Variants in ATP6V1E1 observed in about 807,000 individuals in gnomAD.
The protein encoded by ATP6V1E1 is ATPase H+ transporting V1 subunit E1, also known as V-type proton ATPase subunit E 1.
Under a neutral mutation model 35.2 loss-of-function variants are expected in ATP6V1E1, and 21 were observed. The observed-to-expected ratio is 0.60, with a 90% confidence interval of 0.42 to 0.86. The LOEUF (loss-of-function observed/expected upper bound fraction) is 0.86. Ranked by LOEUF, ATP6V1E1 falls within the 40% of genes least tolerant of loss-of-function variation. ATP6V1E1 has a pLI of 0.00. For missense variants in ATP6V1E1, 183 were observed against 272.6 expected (o/e 0.67, Z 2.32); for synonymous variants, 83 against 87.8 (o/e 0.95, Z 0.30).
chr22:17,616,085 C>T (rs985633933), intron 2 of ATP6V1E1, among the ~76,000 whole-genome samples: 2 of 151,876 alleles, frequency 1.3e-5, no homozygotes, highest in Non-Finnish European at 2.9e-5. Flanking sequence ...TGGTGGCTCA[C>T]GCCTGTAATC....
intron 4 of ATP6V1E1, among the ~76,000 whole-genome samples, chr22:17,609,305 C>T (rs1480501878): frequency 3.3e-5 from 5 of 150,674 alleles, no homozygotes; most frequent in Non-Finnish European, 5.9e-5. Flanking sequence ...GGACTATAGG[C>T]GCCCGCCACC....
At chr22:17,610,939 C>T (rs2057812525) in intron 4 of ATP6V1E1, among the ~76,000 whole-genome samples, 1 of 152,104 alleles carries the variant, frequency 6.6e-6, no homozygotes, top group Non-Finnish European at 1.5e-5. Flanking sequence ...TCATTCGATT[C>T]TCATAAGCAC....
chr22:17,592,689 C>T lies in ATP6V1E1; in HGVS notation c.666G>A (p.Arg222=). ...RGALFGANAN[R]KFLD Reference sequence around the variant, plus strand: ...TCCTGAAGGCTTAGTCCAAAAACTTCCTGTTGGCATTTGCACCAAACAAGG... The same window carrying T: ...TCCTGAAGGCTTAGTCCAAAAACTTTCTGTTGGCATTTGCACCAAACAAGG... Residue 222 remains arginine, a synonymous_variant, in exon 9 of 9, where the codon AGG becomes AGA. Transcript: ENST00000253413. The T allele has an allele frequency of 6.2e-7, 1 of 1,614,168 alleles. No individual in the cohort carries two copies.
chr22:17,592,476 C>T lies in ATP6V1E1; in HGVS notation c.*198G>A. The T allele has an allele frequency of 1.7e-6, 1 of 605,926 alleles. No homozygotes were observed. The highest frequency in any genetic ancestry group is 1.9e-5 in the African/African-American group (1 of 53,936). 37.5% of individuals were successfully genotyped at this position (605,926 alleles called of 1,614,324 possible). A position where few individuals can be genotyped will look rare whatever the true frequency, so the allele number is the denominator to read the frequency against. On this transcript the variant is annotated 3_prime_UTR_variant, in exon 9 of 9. Transcript: ENST00000253413. ...ACTTTCAGAAGAACTGGAGGTGGGT[C>T]CTGATCATATTACATGAAGCTTTCC...
At chr22:17,625,512 C>T (rs529020620) in intron 1 of ATP6V1E1, among the ~76,000 whole-genome samples, 1 of 152,260 alleles carries the variant, frequency 6.6e-6, no homozygotes, top group East Asian at 1.9e-4. Context: ...AACTCCCAAC[C>T]TCAGGTGATC....
At chr22:17,627,016 G>GTC in intron 1 of ATP6V1E1, among the ~76,000 whole-genome samples, 1 of 151,616 alleles carries the variant, frequency 6.6e-6, no homozygotes. Context: ...TTGAGATGGA[G>GTC]TCTCACTCTG....
Position 17,594,550 on chromosome 22 carries a change from C to T in ATP6V1E1, c.597G>A (p.Arg199=). ...TCACCTGCTGGGCTATGAGATCCAG[C>T]CGGCTTTCCAGGGTGTTGGAAACCT... ...KIKVSNTLES[R]LDLIAQQMMP... The change falls in exon 8 of 9, where the codon CGG becomes CGA. Residue 199 remains arginine (R), a synonymous_variant. Transcript: ENST00000253413. The T allele has an allele frequency of 1.3e-6, 2 of 1,593,146 alleles. No homozygotes were observed. Among genetic ancestry groups the T allele is most frequent in the South Asian group, 1.1e-5 (1 of 87,056 alleles).
intron 1 of ATP6V1E1, among the ~76,000 whole-genome samples, chr22:17,619,993 T>G (rs2057867414): frequency 6.6e-6 from 1 of 152,114 alleles, no homozygotes; most frequent in Admixed American, 6.6e-5. Context: ...TCTTTCAACT[T>G]TACTACCTTT....
chr22:17,607,170 T>A (rs534845483), intron 4 of ATP6V1E1, among the ~76,000 whole-genome samples: 113 of 152,080 alleles, frequency 7.4e-4, no homozygotes, highest in African/African-American at 2.6e-3. Context: ...TTTTTTTTTT[T>A]ATTTTTGACA....
Position 17,628,722 on chromosome 22 carries a change from G to T in ATP6V1E1, c.-87C>A, listed in dbSNP as rs909047493. The stretch of plus-strand genomic sequence containing the variant: ...AGAGAAATCGGCAAAGGGAACCCCT[G>T]CGCAGATCTCGGGTTCCTTTACTTT... On this transcript the variant is annotated 5_prime_UTR_variant, in exon 1 of 9. Coordinates refer to ENST00000253413, the MANE Select transcript of ATP6V1E1 (RefSeq NM_001696.4). 10 of 1,570,394 alleles carry T rather than the reference G, an allele frequency of 6.4e-6. No homozygotes were observed. The African/African-American group carries it at 1.4e-4, about 21-fold the overall frequency.
intron 2 of ATP6V1E1, 147 bp downstream of exon 2, chr22:17,619,314 A>AGGAAGGAGG: frequency 1.3e-6 from 1 of 746,090 alleles, no homozygotes; most frequent in South Asian, 1.7e-5. Context: ...AAATGAAGGA[A>AGGAAGGAGG]GGAAGGAGGG....
At chr22:17,611,940 C>G (rs1000000943) in intron 4 of ATP6V1E1, among the ~76,000 whole-genome samples, 2 of 152,164 alleles carry the variant, frequency 1.3e-5, no homozygotes, top group Non-Finnish European at 2.9e-5. Context: ...ATAGGACTTA[C>G]TCCTAGTAAT....
At chr22:17,619,631 A>G (rs2057865033) in intron 1 of ATP6V1E1, 105 bp from the exon 2 acceptor site, 1 of 952,244 alleles carries the variant, frequency 1.1e-6, no homozygotes, top group South Asian at 1.7e-5. Flanking sequence ...CACGCCCGTA[A>G]TCCTACCACT....
At chr22:17,617,047 CAA>C (rs535211268) in intron 2 of ATP6V1E1, among the ~76,000 whole-genome samples, 9 of 33,496 alleles carry the variant, frequency 2.7e-4, no homozygotes, top group Admixed American at 6.1e-4. Context: ...GACTCCGTCT[CAA>C]AAAAAAAAAA....
At chr22:17,625,299 CTT>C (rs111584733) in intron 1 of ATP6V1E1, among the ~76,000 whole-genome samples, 34 of 152,232 alleles carry the variant, frequency 2.2e-4, no homozygotes, top group African/African-American at 7.9e-4. Context: ...GAGTTTCACT[CTT>C]GTTGCCCAGG....
chr22:17,593,781 C>CAGCAATAGACTTCTAG (rs1156241634), intron 8 of ATP6V1E1, among the ~76,000 whole-genome samples: 9 of 152,202 alleles, frequency 5.9e-5, no homozygotes, highest in Non-Finnish European at 1.0e-4. Context: ...CAATAGACTC[C>CAGCAATAGACTTCTAG]CACTAGAAGT....
chr22:17,601,257 T>A, intron 4 of ATP6V1E1, 76 bp from the exon 5 acceptor site: 1 of 1,176,824 alleles, frequency 8.5e-7, no homozygotes, highest in Non-Finnish European at 1.2e-6. Context: ...AGGCTGATCC[T>A]GGCTCATGCC....
At chr22:17,618,405 G>A (rs1375827537) in intron 2 of ATP6V1E1, among the ~76,000 whole-genome samples, 1 of 152,078 alleles carries the variant, frequency 6.6e-6, no homozygotes, top group Non-Finnish European at 1.5e-5. Flanking sequence ...AATAAAGGCC[G>A]GGTGTGGTGG....
chr22:17,621,161 A>G (rs1461839547), intron 1 of ATP6V1E1, among the ~76,000 whole-genome samples: 1 of 151,974 alleles, frequency 6.6e-6, no homozygotes, highest in Admixed American at 6.6e-5. Context: ...CTACTACAAC[A>G]GCTTCCAAAT....
Sources: allele counts gnomAD v4.1 joint callset (sites outside exome capture counted in the v4.1 genomes callset), GRCh38; gene constraint gnomAD v4.1.1; transcripts MANE v1.5; gene names NCBI Gene and HGNC (gene_info 2026-07-23, HGNC 2026-07-21).